CYS1: variants seen among roughly 807,000 people sequenced by gnomAD.
CYS1 encodes the protein cystin-1.
In CYS1, 5 loss-of-function variants were observed where a neutral mutation model predicts 9.6. The ratio of observed to expected loss-of-function variants is 0.52; its 90% CI spans 0.27 to 1.10. The LOEUF (loss-of-function observed/expected upper bound fraction) is 1.10, where lower values mean the gene tolerates loss of function less well. CYS1 is among the 50% of genes least tolerant of loss of function. CYS1 has a pLI of 0.11. For missense variants in CYS1, 221 were observed against 207.9 expected (o/e 1.06, Z -0.39); for synonymous variants, 88 against 95.7 (o/e 0.92, Z 0.47).
intron 1 of CYS1, among the ~76,000 whole-genome samples, chr2:10,073,648 G>A (rs1456400086): frequency 1.3e-5 from 2 of 152,148 alleles, no homozygotes; most frequent in African/African-American, 4.8e-5. Context: ...AGGGGCAGAA[G>A]GGCCTGTGTT....
intron 1 of CYS1, 95 bp from the exon 2 acceptor site, chr2:10,066,051 T>G: frequency 2.1e-5 from 29 of 1,387,072 alleles, no homozygotes; most frequent in Non-Finnish European, 3.0e-5. Context: ...TGGCCACCAC[T>G]TTCAACCCAG....
At chr2:10,071,539 C>G (rs10803716) in intron 1 of CYS1, among the ~76,000 whole-genome samples, 106,735 of 151,756 alleles carry the variant, frequency 0.7, 37,603 homozygotes, top group East Asian at 0.77. Flanking sequence ...AATGGCTCAG[C>G]CTTGCTGTTT....
At chr2:10,070,775 CTG>C (rs779107746) in intron 1 of CYS1, among the ~76,000 whole-genome samples, 1 of 151,988 alleles carries the variant, frequency 6.6e-6, no homozygotes, top group Non-Finnish European at 1.5e-5. Flanking sequence ...TCCTGAGTAA[CTG>C]AAACTACAGG....
At chr2:10,065,867 G>T (rs755117187) in intron 2 of CYS1, 37 bp downstream of exon 2, 2 of 1,611,286 alleles carry the variant, frequency 1.2e-6, no homozygotes, top group African/African-American at 2.7e-5. Flanking sequence ...AAAAGAACCC[G>T]TGGCTTCTGG....
chr2:10,073,088 G>A (rs1661794148), intron 1 of CYS1, among the ~76,000 whole-genome samples: 1 of 151,922 alleles, frequency 6.6e-6, no homozygotes, highest in Non-Finnish European at 1.5e-5. Context: ...GGGCGGTGCA[G>A]GCTGGCTGTG....
rs114446648 is a variant in CYS1, at chr2:10,059,209, C to T, written c.372-251G>A. Among the ~76,000 whole-genome samples, 1,126 of 152,360 alleles carry T rather than the reference C, an allele frequency of 7.4e-3. 11 individuals are homozygous for T. Among genetic ancestry groups the T allele is most frequent in the African/African-American group, 0.024 (1,010 of 41,576 alleles). On this transcript the variant is annotated intron_variant, in intron 2 of 2. Transcript: ENST00000381813. ...AGCACCTGCCCTGGTTGAGGGAGGA[C>T]GGGCTCTGGGGTGGGAAGACCGAGC...
chr2:10,057,417 G>T lies in CYS1; in HGVS notation c.*1436C>A, dbSNP rs1389525303. ...AGGAAATGCCCGTTTGCGGATGGCC[G>T]CAGCAGGCCTGTGGGGCTGGGGACA... On this transcript the variant is annotated 3_prime_UTR_variant, in exon 3 of 3. Coordinates refer to ENST00000381813, the MANE Select transcript of CYS1 (RefSeq NM_001037160.3). 2.6e-5 allele frequency: 4 copies of T among 152,288 alleles called. No homozygotes were observed. The highest frequency in any genetic ancestry group is 7.2e-5 in the African/African-American group (3 of 41,470). 9.4% of individuals were successfully genotyped at this position (152,288 alleles called of 1,614,324 possible).
At chr2:10,071,109 G>C (rs1010293225) in intron 1 of CYS1, among the ~76,000 whole-genome samples, 1 of 152,056 alleles carries the variant, frequency 6.6e-6, no homozygotes, top group African/African-American at 2.4e-5. Context: ...GGGATTACAG[G>C]TGCCCGCCAC....
rs114585185 is a variant in CYS1, at chr2:10,061,218, C to T, written c.372-2260G>A. ...CTGCACTCCAGCCTGGACGACAGAA[C>T]AAGACCCTATCTCAAAAAAGAAAAA... On this transcript the variant is annotated intron_variant, in intron 2 of 2. Coordinates refer to ENST00000381813, the MANE Select transcript of CYS1 (RefSeq NM_001037160.3). 2.3e-3 allele frequency among the ~76,000 whole-genome samples: 349 copies of T among 152,278 alleles called. 1 individual carries two copies. Among genetic ancestry groups the T allele is most frequent in the African/African-American group, 8.0e-3 (334 of 41,530 alleles).
chr2:10,072,598 A>T (rs1661783055), intron 1 of CYS1, among the ~76,000 whole-genome samples: 1 of 152,170 alleles, frequency 6.6e-6, no homozygotes, highest in Non-Finnish European at 1.5e-5. Flanking sequence ...TTCCTCTTTC[A>T]GAATTATCCT....
At position 10,058,654 on chromosome 2, in the gene CYS1, G is replaced by A. The variant is rs1194254645; in HGVS notation, c.*199C>T. ...CACCTGTGGGTCTACACAGCTAATC[G>A]CCCCCACCAGCAACCATGACCGCCA... On this transcript the variant is annotated 3_prime_UTR_variant, in exon 3 of 3. Coordinates refer to ENST00000381813, the MANE Select transcript of CYS1 (RefSeq NM_001037160.3). 9.6e-6 allele frequency: 5 copies of A among 519,474 alleles called. No homozygotes were observed. Among genetic ancestry groups the A allele is most frequent in the African/African-American group, 7.6e-5 (4 of 52,842 alleles). The allele number at this position is 519,474 out of a possible 1,614,324, so 32.2% of individuals were successfully genotyped here.
At chr2:10,061,512 C>A (rs1164940111) in intron 2 of CYS1, among the ~76,000 whole-genome samples, 1 of 152,260 alleles carries the variant, frequency 6.6e-6, no homozygotes, top group African/African-American at 2.4e-5. Flanking sequence ...GCTCACCAGG[C>A]AGCCCCCTGC....
At chr2:10,078,968 C>A (rs1261643724) in intron 1 of CYS1, among the ~76,000 whole-genome samples, 1 of 152,222 alleles carries the variant, frequency 6.6e-6, no homozygotes, top group Non-Finnish European at 1.5e-5. Flanking sequence ...GTGAATTCCT[C>A]CCAAATTTCT....
chr2:10,078,790 C>G (rs181220105), intron 1 of CYS1, among the ~76,000 whole-genome samples: 1 of 152,288 alleles, frequency 6.6e-6, no homozygotes, highest in East Asian at 1.9e-4. Context: ...GACCGGTGCT[C>G]AAAGGATAGC....
At position 10,079,951 on chromosome 2, in the gene CYS1, CG is replaced by C; in HGVS notation, c.272del (p.Pro91ArgfsTer58). 8.9e-7 allele frequency: 1 copy of C among 1,119,260 alleles called. No homozygotes were observed. Among genetic ancestry groups the C allele is most frequent in the Non-Finnish European group, 1.1e-6 (1 of 915,834 alleles). 69.3% of individuals were successfully genotyped at this position (1,119,260 alleles called of 1,614,324 possible). A position where few individuals can be genotyped will look rare whatever the true frequency, so the allele number is the denominator to read the frequency against. Reference sequence around the variant, plus strand: ...TGGGTCGGAGCCGGGCTGGGCGGCGCGGGGCGGGCTCCGGGGGGCCCCAGGC... The same window carrying C: ...TGGGTCGGAGCCGGGCTGGGCGGCGCGGGCGGGCTCCGGGGGGCCCCAGGC... ...SAAWGPPEPA[P>X]RRPARLRPTA... is the part of the protein sequence containing the mutation. On this transcript the variant is annotated frameshift_variant, in exon 1 of 3. Coordinates refer to ENST00000381813, the MANE Select transcript of CYS1 (RefSeq NM_001037160.3). LOFTEE classifies it high-confidence loss of function.
chr2:10,061,939 G>A (rs1182612597), intron 2 of CYS1, among the ~76,000 whole-genome samples: 1 of 152,134 alleles, frequency 6.6e-6, no homozygotes, highest in African/African-American at 2.4e-5. Flanking sequence ...TCTTGAGGGA[G>A]TCAAGAAATG....
rs1485284781 is a variant in CYS1, at chr2:10,079,896, C to T, written c.318+10G>A. 4.5e-6 allele frequency: 5 copies of T among 1,109,096 alleles called. No individual in the cohort carries two copies. Among genetic ancestry groups the T allele is most frequent in the Non-Finnish European group, 5.5e-6 (5 of 909,396 alleles). 68.7% of individuals were successfully genotyped at this position (1,109,096 alleles called of 1,614,324 possible). A position where few individuals can be genotyped will look rare whatever the true frequency, so the allele number is the denominator to read the frequency against. ...GCCGTCCCCCGAGGCCCTGCGGCTC[C>T]CACACTCACCGCGCTCCCCGCGACC... On this transcript the variant is annotated intron_variant, in intron 1 of 2. Transcript: ENST00000381813.
chr2:10,072,046 TAAAACTAAAG>T (rs2125290748), intron 1 of CYS1, among the ~76,000 whole-genome samples: 1 of 151,668 alleles, frequency 6.6e-6, no homozygotes, highest in Non-Finnish European at 1.5e-5. Flanking sequence ...TTTTGACTCT[TAAAACTAAAG>T]TTTTCGTGAA....
rs1282467827 is a variant in CYS1, at chr2:10,056,856, G to A, written c.*1997C>T. ...CCTACAGCTGCAGTACACACACACCGCTTTATTTGGCTAGCTGCTATTCAG... is the reference window on the plus strand; with the variant it reads ...CCTACAGCTGCAGTACACACACACCACTTTATTTGGCTAGCTGCTATTCAG... On this transcript the variant is annotated 3_prime_UTR_variant, in exon 3 of 3. Coordinates refer to ENST00000381813, the MANE Select transcript of CYS1 (RefSeq NM_001037160.3). The A allele has an allele frequency of 2.0e-5, 3 of 152,162 alleles. No homozygotes were observed. Among genetic ancestry groups the A allele is most frequent in the Admixed American group, 6.5e-5 (1 of 15,278 alleles). 9.4% of individuals were successfully genotyped at this position (152,162 alleles called of 1,614,324 possible). A position where few individuals can be genotyped will look rare whatever the true frequency, so the allele number is the denominator to read the frequency against.
Sources: allele counts gnomAD v4.1 joint callset (sites outside exome capture counted in the v4.1 genomes callset), GRCh38; gene constraint gnomAD v4.1.1; transcripts MANE v1.5; gene names NCBI Gene and HGNC (gene_info 2026-07-23, HGNC 2026-07-21).